KDM4C: variants seen among roughly 807,000 people sequenced by gnomAD.
The protein encoded by KDM4C is lysine-specific demethylase 4C.
Under a neutral mutation model 129.3 loss-of-function variants are expected in KDM4C, and 81 were observed. The observed-to-expected ratio is 0.63, with a 90% confidence interval of 0.52 to 0.75. KDM4C has a LOEUF of 0.75. KDM4C is among the 30% of genes least tolerant of loss of function. KDM4C has a pLI of 0.00. For missense variants in KDM4C, 1,457 were observed against 1,304.0 expected, an observed-to-expected ratio of 1.12 and a Z score of -1.81; for synonymous variants, 573 against 456.1, an observed-to-expected ratio of 1.26 and a Z score of -3.26.
chr9:6,929,729 C>G (rs1037571717), intron 8 of KDM4C, among the ~76,000 whole-genome samples: 4 of 151,876 alleles, frequency 2.6e-5, no homozygotes, highest in Admixed American at 6.6e-5. Context: ...TGTATTTGAC[C>G]CCAACTTCTT....
chr9:7,163,534 G>T, intron 19 of KDM4C, among the ~76,000 whole-genome samples: 1 of 152,188 alleles, frequency 6.6e-6, no homozygotes, highest in East Asian at 1.9e-4. Context: ...AGCAGCAGGA[G>T]AAGCATATGC....
chr9:6,881,652 A>C (rs568912053), intron 6 of KDM4C, among the ~76,000 whole-genome samples: 1 of 152,376 alleles, frequency 6.6e-6, no homozygotes, highest in East Asian at 1.9e-4. Context: ...TGAAAATGAC[A>C]TTCCAGAAAA....
intron 8 of KDM4C, 62 bp downstream of exon 8, chr9:6,893,294 A>T: frequency 7.3e-7 from 1 of 1,372,458 alleles, no homozygotes; most frequent in Non-Finnish European, 1.0e-6. Context: ...TTTAGTAGGA[A>T]CCCTACGATC....
chr9:6,835,097 T>C, intron 4 of KDM4C: 5 of 1,002,312 alleles, frequency 5.0e-6, no homozygotes, highest in Admixed American at 3.4e-5. Flanking sequence ...AAGGAGAAGC[T>C]GTGCTATGTT....
At chr9:7,052,898 A>AGAGAGAGAGC (rs1477487723) in intron 17 of KDM4C, among the ~76,000 whole-genome samples, 20 of 47,530 alleles carry the variant, frequency 4.2e-4, no homozygotes, top group Admixed American at 1.3e-3. Flanking sequence ...AGAGAGAGAG[A>AGAGAGAGAGC]GAGCGAGCGA....
chr9:6,733,578 C>G (rs963205334), intron 1 of KDM4C, among the ~76,000 whole-genome samples: 1 of 152,190 alleles, frequency 6.6e-6, no homozygotes, highest in Admixed American at 6.5e-5. Flanking sequence ...TACCTTGACT[C>G]TACTTCCTTT....
At chr9:6,834,395 G>A (rs554468815) in intron 4 of KDM4C, 9 of 372,312 alleles carry the variant, frequency 2.4e-5, no homozygotes, top group East Asian at 2.0e-4. Context: ...CGTCCGCCCC[G>A]TGAGCACAGA....
chr9:6,760,464 T>TATATATATATATATAA (rs993536867), intron 1 of KDM4C, among the ~76,000 whole-genome samples: 1 of 150,264 alleles, frequency 6.7e-6, no homozygotes, highest in African/African-American at 2.4e-5. Context: ...TATATATATA[T>TATATATATATATATAA]AATGTAATTG....
intron 17 of KDM4C, among the ~76,000 whole-genome samples, chr9:7,070,470 A>T (rs1833042395): frequency 6.6e-6 from 1 of 152,190 alleles, no homozygotes; most frequent in Non-Finnish European, 1.5e-5. Flanking sequence ...TACATTTCAA[A>T]AAATCCCATC....
intron 1 of KDM4C, among the ~76,000 whole-genome samples, chr9:6,791,268 C>T (rs540734505): frequency 5.9e-5 from 9 of 152,282 alleles, no homozygotes; most frequent in Non-Finnish European, 8.8e-5. Flanking sequence ...TGTGCCACCA[C>T]GCCCGGCTAA....
chr9:7,084,255 T>C (rs1445300606), intron 17 of KDM4C, among the ~76,000 whole-genome samples: 1 of 152,120 alleles, frequency 6.6e-6, no homozygotes, highest in Non-Finnish European at 1.5e-5. Context: ...TGTTTTCCCA[T>C]TTGTGAGAAT....
chr9:6,873,626 G>GCT (rs1299423298), intron 5 of KDM4C, among the ~76,000 whole-genome samples: 1 of 152,164 alleles, frequency 6.6e-6, no homozygotes, highest in African/African-American at 2.4e-5. Context: ...TTGAAGCCTT[G>GCT]CTCTGGATTA....
intron 19 of KDM4C, among the ~76,000 whole-genome samples, chr9:7,134,442 T>TA (rs1295291114): frequency 1.3e-5 from 2 of 152,244 alleles, no homozygotes; most frequent in Non-Finnish European, 2.9e-5. Flanking sequence ...AATCAAATCC[T>TA]AACCGTTATG....
chr9:6,879,291 A>T (rs1420437567), intron 5 of KDM4C, among the ~76,000 whole-genome samples: 1 of 152,212 alleles, frequency 6.6e-6, no homozygotes, highest in Non-Finnish European at 1.5e-5. Context: ...ATAGGATATT[A>T]TGAGATTGTT....
intron 1 of KDM4C, among the ~76,000 whole-genome samples, chr9:6,792,452 G>A (rs1204174573): frequency 6.6e-6 from 1 of 151,946 alleles, no homozygotes; most frequent in South Asian, 2.1e-4. Flanking sequence ...GCAGTGGCGA[G>A]ATCTTGGCTC....
At chr9:6,863,230 T>C (rs1363749284) in intron 5 of KDM4C, among the ~76,000 whole-genome samples, 1 of 152,074 alleles carries the variant, frequency 6.6e-6, no homozygotes, top group Non-Finnish European at 1.5e-5. Flanking sequence ...ATTGCCTGCT[T>C]TTTAGTAGGT....
chr9:6,803,725 T>G (rs1829436830), intron 2 of KDM4C, among the ~76,000 whole-genome samples: 1 of 146,840 alleles, frequency 6.8e-6, no homozygotes, highest in Non-Finnish European at 1.5e-5. Context: ...CTGGGCAACA[T>G]GGCGAAACCC....
chr9:6,768,357 C>G (rs188941911), intron 1 of KDM4C, among the ~76,000 whole-genome samples: 5 of 150,722 alleles, frequency 3.3e-5, no homozygotes, highest in Admixed American at 2.6e-4. Context: ...TTTTTTTAAC[C>G]TGCTGGGCTT....
chr9:6,864,586 T>C lies in KDM4C; in HGVS notation c.629+14886T>C, dbSNP rs529959511. On this transcript the variant is annotated intron_variant, in intron 5 of 21. Transcript: ENST00000381309. Reference sequence around the variant, plus strand: ...CCCAGTTTCAAGCAATTCTGCTGCCTCAGCCCTCCATAGCTGGGATTACAG... The same window carrying C: ...CCCAGTTTCAAGCAATTCTGCTGCCCCAGCCCTCCATAGCTGGGATTACAG... Among the ~76,000 whole-genome samples, 65 of 152,168 alleles carry C rather than the reference T, an allele frequency of 4.3e-4. No homozygotes were observed. The South Asian group carries it at 0.012, about 28-fold the overall frequency.
Sources: gnomAD v4.1 joint callset for allele counts (sites outside exome capture counted in the v4.1 genomes callset) on GRCh38, gnomAD v4.1.1 for gene constraint, MANE v1.5 for transcripts, NCBI Gene and HGNC (gene_info 2026-07-23, HGNC 2026-07-21) for gene names.